Variants in CROCC observed in about 807,000 individuals in gnomAD.
The protein encoded by CROCC is rootletin.
In CROCC, 180 loss-of-function variants were observed where a neutral mutation model predicts 245.2. The observed-to-expected ratio is 0.73, with a 90% CI of 0.65 to 0.83. The LOEUF is 0.83. Ranked by LOEUF, CROCC falls within the 40% of genes least tolerant of loss-of-function variation. The pLI is 0.00. For missense variants in CROCC, 2,688 were observed against 2,779.4 expected (o/e 0.97, Z 0.74); for synonymous variants, 1,205 against 1,241.6 (o/e 0.97, Z 0.62).
chr1:16,919,835 C>T (rs1429459898), upstream of CROCC, among the ~76,000 whole-genome samples: 1 of 152,268 alleles, frequency 6.6e-6, no homozygotes, highest in African/African-American at 2.4e-5. Flanking sequence ...CCATTTTGGC[C>T]TCCCAAAGTG....
rs551490314 is a variant in CROCC at position 16,922,179 on chromosome 1, G to A, written c.60+101G>A. 2.4e-6 allele frequency: 3 copies of A among 1,236,380 alleles called. No homozygotes were observed. The East Asian group carries it at 7.8e-5, about 32-fold the overall frequency. The allele number at this position is 1,236,380 out of a possible 1,614,324, so 76.6% of individuals were successfully genotyped here. The stretch of plus-strand genomic sequence containing the variant: ...GCGTCTTGGGGATCAAGGGGTGGGA[G>A]AGGTGTGGTGGTGGTGGGGTATACA... On this transcript the variant is annotated intron_variant, in intron 1 of 36. Transcript: ENST00000375541.
intron 24 of CROCC, among the ~76,000 whole-genome samples, 182 bp from the exon 25 acceptor site, chr1:16,955,815 T>G (rs1345113218): frequency 2.0e-5 from 3 of 151,892 alleles, no homozygotes; most frequent in Non-Finnish European, 4.4e-5. Flanking sequence ...GAGTCACTGG[T>G]CTACCCCTCC....
In CROCC at chr1:16,947,215, G is replaced by T. The variant is rs1473755597; in HGVS notation, c.2514+224G>T. Among the ~76,000 whole-genome samples the T allele has an allele frequency of 5.2e-5, 8 of 152,400 alleles. No individual in the cohort carries two copies. In the South Asian group the frequency reaches 1.4e-3, roughly 28 times the overall value. On this transcript the variant is annotated intron_variant, in intron 17 of 36. Transcript: ENST00000375541. ...GGGCCAGCCAGGCGCAGTGGCTCAC[G>T]CCTATAATCCCAGCACTTTGGGAGG...
rs1433598443 is a variant in CROCC at position 16,972,346 on chromosome 1, C to T, written c.5968-14C>T. 6.2e-7 allele frequency: 1 copy of T among 1,612,736 alleles called. No individual in the cohort carries two copies. Among genetic ancestry groups the T allele is most frequent in the Non-Finnish European group, 8.5e-7 (1 of 1,178,840 alleles). On this transcript the variant is annotated splice_polypyrimidine_tract_variant and intron_variant, in intron 36 of 36. Transcript: ENST00000375541. ...TGAGGACCTGGCTGGCCTTACCTTC[C>T]CTTTCTTCCCCAGGTGTCCACACTG... is the stretch of plus-strand genomic sequence containing the variant.
intron 14 of CROCC, 125 bp downstream of exon 14, chr1:16,944,407 T>C (rs767311156): frequency 2.7e-6 from 3 of 1,113,294 alleles, no homozygotes; most frequent in African/African-American, 1.5e-5. Flanking sequence ...ACCCCTCCGA[T>C]GTCGGGTTTT....
chr1:16,945,380 C>A, intron 14 of CROCC, 82 bp from the exon 15 acceptor site: 1 of 1,584,864 alleles, frequency 6.3e-7, no homozygotes, highest in East Asian at 2.3e-5. Context: ...CAGGCCTGGT[C>A]CCCAGCCCAG....
At position 16,970,248 on chromosome 1, in the gene CROCC, TG is replaced by T; in HGVS notation, c.5452-4del. On this transcript the variant is annotated splice_region_variant and splice_polypyrimidine_tract_variant and intron_variant, in intron 33 of 36. Coordinates refer to ENST00000375541, the MANE Select transcript of CROCC (RefSeq NM_014675.5). ...GATTCGGGGCCTGCCTGGCTTCTGT[TG>T]CAGGTGCTGCGGCAGCGGCAGGAGG... The T allele has an allele frequency of 6.5e-7, 1 of 1,547,472 alleles. No individual in the cohort carries two copies. Among genetic ancestry groups the T allele is most frequent in the Non-Finnish European group, 8.8e-7 (1 of 1,141,346 alleles).
rs565513706 is a variant in CROCC at position 16,939,336 on chromosome 1, G to A, written c.1608+194G>A. On this transcript the variant is annotated intron_variant, in intron 12 of 36. Coordinates refer to ENST00000375541, the MANE Select transcript of CROCC (RefSeq NM_014675.5). ...AGGACCCCCAAGGAGGTGGCCGAGA[G>A]CTCTGCGGTGAAGCCGAGCCCAGAA... Among the ~76,000 whole-genome samples the A allele has an allele frequency of 2.6e-5, 4 of 152,374 alleles. No homozygotes were observed. In the East Asian group the frequency reaches 7.7e-4, roughly 29 times the overall value.
Position 16,930,271 on chromosome 1 carries a change from C to T in CROCC, c.622-15C>T. The T allele has an allele frequency of 6.3e-7, 1 of 1,597,790 alleles. No individual in the cohort carries two copies. The highest frequency in any genetic ancestry group is 8.5e-7 in the Non-Finnish European group (1 of 1,172,864). On this transcript the variant is annotated splice_polypyrimidine_tract_variant and intron_variant, in intron 5 of 36. Transcript: ENST00000375541. ...CACCTGCCCAACCTGATGCTTTAAC[C>T]TCTCTCCCACCCAGGACACAGAGCA...
chr1:16,971,946 C>G (rs1421025430), intron 36 of CROCC, among the ~76,000 whole-genome samples: 1 of 152,222 alleles, frequency 6.6e-6, no homozygotes, highest in Non-Finnish European at 1.5e-5. Flanking sequence ...AATCTGTCAT[C>G]TCAGAAGAGA....
At chr1:16,943,451 T>C (rs1159818452) in intron 13 of CROCC, among the ~76,000 whole-genome samples, 3 of 151,664 alleles carry the variant, frequency 2.0e-5, no homozygotes, top group Non-Finnish European at 4.4e-5. Flanking sequence ...GGCAGGAGAA[T>C]GGCGTGAACC....
At chr1:16,938,838 G>A in intron 11 of CROCC, 71 bp from the exon 12 acceptor site, 3 of 1,451,250 alleles carry the variant, frequency 2.1e-6, no homozygotes, top group Non-Finnish European at 2.9e-6. Flanking sequence ...CCTCACCTGG[G>A]CGTCTTTGCC....
intron 27 of CROCC, among the ~76,000 whole-genome samples, chr1:16,962,450 G>A (rs2076348002): frequency 6.7e-6 from 1 of 149,216 alleles, no homozygotes; most frequent in Admixed American, 6.7e-5. Context: ...CAGGAGAATG[G>A]CGTGAACCCG....
At chr1:16,970,210 T>TC in intron 33 of CROCC, 43 bp from the exon 34 acceptor site, 1 of 1,492,346 alleles carries the variant, frequency 6.7e-7, no homozygotes, top group South Asian at 1.3e-5. Flanking sequence ...ATAAGTATGC[T>TC]CAGGCCCAGA....
rs758730703 is a variant in CROCC, at chr1:16,936,877, G to C, written c.1193+4G>C. 6.2e-7 allele frequency: 1 copy of C among 1,605,800 alleles called. No individual in the cohort carries two copies. Among genetic ancestry groups the C allele is most frequent in the East Asian group, 2.2e-5 (1 of 44,780 alleles). ...ACAAGGCTGACCTCAGTGCCAGGTG[G>C]GTACCTGGTGGATGCCGCACGAGGC... On this transcript the variant is annotated splice_donor_region_variant and intron_variant, in intron 9 of 36. Transcript: ENST00000375541.
intron 3 of CROCC, among the ~76,000 whole-genome samples, chr1:16,928,575 G>T (rs559848273): frequency 6.6e-6 from 1 of 152,204 alleles, no homozygotes; most frequent in Non-Finnish European, 1.5e-5. Context: ...AGGCCGAGGC[G>T]GGTGGATTAC....
chr1:16,925,930 T>C (rs191397447), intron 3 of CROCC, among the ~76,000 whole-genome samples: 137 of 152,348 alleles, frequency 9.0e-4, no homozygotes, highest in African/African-American at 3.2e-3. Context: ...CCCCTTTCTT[T>C]TGGTCCATGC....
chr1:16,946,311 A>G lies in CROCC; in HGVS notation c.2189A>G (p.Glu730Gly), dbSNP rs753023518. ...CTCTCCATGACCAAGCTGAGGGCAGAGGAGGCCTCCCTGCAGGACTCCCTG... is the reference window on the plus strand; with the variant it reads ...CTCTCCATGACCAAGCTGAGGGCAGGGGAGGCCTCCCTGCAGGACTCCCTG... ...LELSMTKLRA[E>G]EASLQDSLSK... The change falls in exon 16 of 37, where the codon GAG becomes GGG. Residue 730 changes from glutamate to glycine, a missense_variant. Glu to Gly is a moderately conservative substitution (Grantham distance 98). Transcript: ENST00000375541. 2.1e-5 allele frequency: 34 copies of G among 1,613,446 alleles called. No homozygotes were observed. In the Admixed American group the frequency reaches 3.0e-4, roughly 14 times the overall value.
In CROCC at chr1:16,953,329, G is replaced by A. The variant is rs544675912; in HGVS notation, c.3034G>A (p.Glu1012Lys). The stretch of plus-strand genomic sequence containing the variant: ...GGCAGCATGGCGGGAGCTGGAGGCC[G>A]AGCGGGCCCAGCTGCAGAGTCAGCT... ...KEAAWRELEA[E>K]RAQLQSQLQR... The change falls in exon 21 of 37, where the codon GAG (glutamate) becomes AAG (lysine). Residue 1012 changes from glutamate (E) to lysine (K), a missense_variant. This residue lies in a region of CROCC where 106 missense variants were observed against 126.1 expected (regional missense o/e 0.84). Transcript: ENST00000375541. 26 of 1,596,588 alleles carry A rather than the reference G, an allele frequency of 1.6e-5. No homozygotes were observed. The highest frequency in any genetic ancestry group is 4.0e-5 in the African/African-American group (3 of 74,748).
Sources: allele counts gnomAD v4.1 joint callset (sites outside exome capture counted in the v4.1 genomes callset), GRCh38; gene constraint gnomAD v4.1.1; regional missense constraint gnomAD v4.1.1; transcripts MANE v1.5; gene names NCBI Gene and HGNC (gene_info 2026-07-23, HGNC 2026-07-21).